Variants in PLCH1 observed in about 807,000 individuals in gnomAD.
PLCH1 encodes 1-phosphatidylinositol 4,5-bisphosphate phosphodiesterase eta-1.
Under a neutral mutation model 126.7 loss-of-function variants are expected in PLCH1, and 60 were observed. The observed-to-expected ratio is 0.47, with a 90% CI of 0.38 to 0.59. PLCH1 has a LOEUF of 0.59. Ranked by LOEUF, PLCH1 falls within the 20% of genes least tolerant of loss-of-function variation. PLCH1 has a pLI of 0.00. For synonymous variants in PLCH1, 719 were observed against 734.9 expected (o/e 0.98, Z 0.35); for missense variants, 1,723 against 2,040.0 (o/e 0.84, Z 2.99).
intron 21 of PLCH1, among the ~76,000 whole-genome samples, chr3:155,486,650 G>A (rs1478469021): frequency 2.7e-5 from 4 of 149,324 alleles, no homozygotes; most frequent in Non-Finnish European, 4.4e-5. Flanking sequence ...TCAGCCTCCC[G>A]AGTAGCTGGG....
chr3:155,599,515 G>A (rs1733444822), intron 2 of PLCH1, among the ~76,000 whole-genome samples: 2 of 152,122 alleles, frequency 1.3e-5, no homozygotes, highest in South Asian at 4.1e-4. Flanking sequence ...GGGGATGCTG[G>A]TTAAGACTTT....
At chr3:155,718,647 G>C (rs1260554017) in intron 1 of PLCH1, among the ~76,000 whole-genome samples, 4 of 152,138 alleles carry the variant, frequency 2.6e-5, no homozygotes, top group African/African-American at 9.7e-5. Flanking sequence ...AAGAGGGTGA[G>C]TGCGGGGGGG....
intron 8 of PLCH1, among the ~76,000 whole-genome samples, chr3:155,564,226 G>A (rs1356978978): frequency 2.4e-4 from 37 of 152,152 alleles, no homozygotes; most frequent in Admixed American, 2.1e-3. Context: ...CCCACTAGAA[G>A]TTTAATAAAT....
intron 21 of PLCH1, among the ~76,000 whole-genome samples, chr3:155,453,797 T>G (rs114587281): frequency 6.6e-6 from 1 of 151,336 alleles, no homozygotes; most frequent in African/African-American, 2.4e-5. Context: ...AAATTATAAA[T>G]ATGTATTTAT....
chr3:155,603,169 T>A (rs1375101295), intron 2 of PLCH1, among the ~76,000 whole-genome samples: 5 of 152,012 alleles, frequency 3.3e-5, no homozygotes, highest in African/African-American at 1.2e-4. Flanking sequence ...AAAGTCCAGG[T>A]CCTTTGCAAG....
rs141857572 is a variant in PLCH1, at chr3:155,615,746, T to C, written c.80-19368A>G. Among the ~76,000 whole-genome samples, 579 of 151,658 alleles carry C rather than the reference T, an allele frequency of 3.8e-3. 4 individuals carry two copies. Among genetic ancestry groups the C allele is most frequent in the African/African-American group, 0.013 (542 of 41,386 alleles). Reference sequence around the variant, plus strand: ...ACACAAAGGCATAAGAATGATATAATGGACCTTGGGGACTCAGGGGGAGGG... The same window carrying C: ...ACACAAAGGCATAAGAATGATATAACGGACCTTGGGGACTCAGGGGGAGGG... On this transcript the variant is annotated intron_variant, in intron 2 of 22. Coordinates refer to ENST00000460012, the MANE Select transcript of PLCH1 (RefSeq NM_014996.4).
intron 2 of PLCH1, among the ~76,000 whole-genome samples, chr3:155,681,394 C>A (rs1470297499): frequency 6.6e-6 from 1 of 152,130 alleles, no homozygotes; most frequent in South Asian, 2.1e-4. Context: ...TAGGTACAAC[C>A]ATTTCTCTAG....
intron 21 of PLCH1, among the ~76,000 whole-genome samples, chr3:155,465,458 A>C (rs1712893557): frequency 6.6e-6 from 1 of 151,950 alleles, no homozygotes; most frequent in Non-Finnish European, 1.5e-5. Context: ...GAGTACTTGG[A>C]CCCCAAATGA....
At position 155,652,003 on chromosome 3, in the gene PLCH1, G is replaced by A. The variant is rs73874897; in HGVS notation, c.79+52143C>T. On this transcript the variant is annotated intron_variant, in intron 2 of 22. Coordinates refer to ENST00000460012, the MANE Select transcript of PLCH1 (RefSeq NM_014996.4). ...GCCTCAGAGTCTTTGGACCCATGCCGTTAGCTATGCAAAGCAAGCTTATTA... is the reference window on the plus strand; with the variant it reads ...GCCTCAGAGTCTTTGGACCCATGCCATTAGCTATGCAAAGCAAGCTTATTA... 5.4e-3 allele frequency among the ~76,000 whole-genome samples: 821 copies of A among 152,308 alleles called. 10 individuals carry two copies. The highest frequency in any genetic ancestry group is 0.019 in the African/African-American group (778 of 41,570).
chr3:155,713,285 A>G, intron 1 of PLCH1, among the ~76,000 whole-genome samples: 1 of 152,176 alleles, frequency 6.6e-6, no homozygotes, highest in Non-Finnish European at 1.5e-5. Flanking sequence ...AGACAACTAA[A>G]TGAAACATTA....
chr3:155,667,081 T>C (rs929378780), intron 2 of PLCH1, among the ~76,000 whole-genome samples: 2 of 152,174 alleles, frequency 1.3e-5, no homozygotes, highest in Admixed American at 1.3e-4. Flanking sequence ...CTCTTTGAAG[T>C]GCACAGAATC....
At chr3:155,521,635 G>C (rs575210123) in intron 11 of PLCH1, among the ~76,000 whole-genome samples, 1 of 152,082 alleles carries the variant, frequency 6.6e-6, no homozygotes, top group Non-Finnish European at 1.5e-5. Flanking sequence ...CAGTTTCTCA[G>C]GGAATTTATT....
intron 21 of PLCH1, among the ~76,000 whole-genome samples, chr3:155,456,242 C>G (rs73011528): frequency 0.036 from 5,483 of 151,732 alleles, 343 homozygotes; most frequent in African/African-American, 0.12. Flanking sequence ...ATAGGGGTGT[C>G]CAATCTTTTG....
chr3:155,524,062 G>A, intron 10 of PLCH1, 58 bp from the exon 11 acceptor site: 1 of 1,012,826 alleles, frequency 9.9e-7, no homozygotes, highest in Non-Finnish European at 1.6e-6. Flanking sequence ...ATAGCCAAAA[G>A]GTGGAAGTAA....
chr3:155,619,531 A>G (rs1736206692), intron 2 of PLCH1, among the ~76,000 whole-genome samples: 1 of 151,926 alleles, frequency 6.6e-6, no homozygotes, highest in African/African-American at 2.4e-5. Context: ...AAGAAAGCAA[A>G]TTGATTTCAT....
intron 2 of PLCH1, among the ~76,000 whole-genome samples, chr3:155,615,875 A>T (rs1289060156): frequency 1.3e-5 from 2 of 152,152 alleles, no homozygotes; most frequent in South Asian, 4.2e-4. Flanking sequence ...AAGAACTTAC[A>T]CATGTAACCA....
At chr3:155,687,871 T>C (rs1279405558) in intron 2 of PLCH1, among the ~76,000 whole-genome samples, 2 of 152,244 alleles carry the variant, frequency 1.3e-5, no homozygotes, top group South Asian at 2.1e-4. Flanking sequence ...CCTATGGTTT[T>C]GCAGAGCAGC....
At chr3:155,708,224 T>C (rs191929298) in intron 1 of PLCH1, among the ~76,000 whole-genome samples, 15 of 152,304 alleles carry the variant, frequency 9.8e-5, no homozygotes, top group Admixed American at 3.3e-4. Flanking sequence ...AATGAAAAGA[T>C]GCTCTCCCTT....
chr3:155,696,638 T>G (rs1039594887), intron 2 of PLCH1, among the ~76,000 whole-genome samples: 3 of 152,198 alleles, frequency 2.0e-5, no homozygotes, highest in Non-Finnish European at 2.9e-5. Flanking sequence ...GAAATAATTC[T>G]CAGAAGTAAC....
Sources: gnomAD v4.1 joint callset for allele counts (sites outside exome capture counted in the v4.1 genomes callset) on GRCh38, gnomAD v4.1.1 for gene constraint, MANE v1.5 for transcripts, NCBI Gene and HGNC (gene_info 2026-07-23, HGNC 2026-07-21) for gene names.